The following COL4A1 variants were observed in gnomAD, a reference collection of about 807,000 sequenced individuals.
COL4A1 encodes collagen alpha-1(IV) chain.
In COL4A1, 40 loss-of-function variants were observed where a neutral mutation model predicts 216.6. The ratio of observed to expected loss-of-function variants is 0.18; its 90% CI spans 0.14 to 0.24. The LOEUF is 0.24. COL4A1 is among the 10% of genes least tolerant of loss of function. The pLI is 1.00. For synonymous variants in COL4A1, 839 were observed against 810.7 expected (o/e 1.03, Z -0.59); for missense variants, 1,628 against 2,196.8 (o/e 0.74, Z 5.18).
At chr13:110,188,316 C>T (rs914017589) in intron 24 of COL4A1, among the ~76,000 whole-genome samples, 3 of 152,236 alleles carry the variant, frequency 2.0e-5, no homozygotes, top group African/African-American at 7.2e-5. Flanking sequence ...CTCACATGCA[C>T]ACGCTTCTGT....
intron 1 of COL4A1, among the ~76,000 whole-genome samples, chr13:110,258,154 A>T (rs1337171197): frequency 1.3e-5 from 2 of 152,246 alleles, no homozygotes; most frequent in Non-Finnish European, 2.9e-5. Context: ...AACATCCAGA[A>T]AATTCTAGAA....
chr13:110,283,279 T>C (rs1266229904), intron 1 of COL4A1, among the ~76,000 whole-genome samples: 4 of 152,198 alleles, frequency 2.6e-5, no homozygotes, highest in African/African-American at 2.4e-5. Flanking sequence ...TAAAGAATAA[T>C]GTAGACTAGA....
In COL4A1 at chr13:110,307,106, G is replaced by T. The variant is rs1245477485; in HGVS notation, c.-79C>A. On this transcript the variant is annotated 5_prime_UTR_variant, in exon 1 of 52. Coordinates refer to ENST00000375820, the MANE Select transcript of COL4A1 (RefSeq NM_001845.6). This position sits in a 1 kb window ranked among gnomAD's most constrained non-coding sequence, Gnocchi z 5.0. ...CGGACAGCTAGCTCTCGGAAGGCCGGACTTCCAGCGCTACGCACCGTCCCG... is the reference window on the plus strand; with the variant it reads ...CGGACAGCTAGCTCTCGGAAGGCCGTACTTCCAGCGCTACGCACCGTCCCG... 2.5e-6 allele frequency: 3 copies of T among 1,195,158 alleles called. No homozygotes were observed. The highest frequency in any genetic ancestry group is 3.2e-5 in the African/African-American group (2 of 62,158). 74.0% of individuals were successfully genotyped at this position (1,195,158 alleles called of 1,614,324 possible).
intron 28 of COL4A1, among the ~76,000 whole-genome samples, chr13:110,181,753 G>C (rs1280207853): frequency 2.0e-5 from 3 of 152,098 alleles, no homozygotes; most frequent in Non-Finnish European, 4.4e-5. Context: ...GGGGGGGCAG[G>C]TCACCACCAT....
chr13:110,265,896 G>A (rs1013868185), intron 1 of COL4A1: 2 of 152,116 alleles, frequency 1.3e-5, no homozygotes, highest in South Asian at 2.1e-4. Flanking sequence ...GAGCCCGCGG[G>A]AATTCCTGCG....
At chr13:110,257,268 G>A (rs1057386019) in intron 1 of COL4A1, among the ~76,000 whole-genome samples, 1 of 152,170 alleles carries the variant, frequency 6.6e-6, no homozygotes, top group Non-Finnish European at 1.5e-5. Context: ...ATGTGGAAGA[G>A]ATCCTGCGGC....
At chr13:110,192,336 T>C (rs777454103) in intron 23 of COL4A1, 52 bp from the exon 24 acceptor site, 1 of 1,533,474 alleles carries the variant, frequency 6.5e-7, no homozygotes, top group South Asian at 1.1e-5. Flanking sequence ...ATGAGACACT[T>C]CTCAAAACCT....
chr13:110,259,718 A>G (rs1882738193), intron 1 of COL4A1, among the ~76,000 whole-genome samples: 1 of 152,252 alleles, frequency 6.6e-6, no homozygotes, highest in Admixed American at 6.5e-5. Context: ...CTAATTTAAA[A>G]TAGAAATAGG....
At chr13:110,273,431 T>C (rs1883316768) in intron 1 of COL4A1, among the ~76,000 whole-genome samples, 1 of 152,152 alleles carries the variant, frequency 6.6e-6, no homozygotes, top group Admixed American at 6.5e-5. Flanking sequence ...AATCACCTCA[T>C]TCCACTTGTG....
intron 15 of COL4A1, 58 bp from the exon 16 acceptor site, chr13:110,205,596 C>T (rs1879470600): frequency 2.5e-6 from 4 of 1,584,010 alleles, no homozygotes; most frequent in Admixed American, 1.7e-5. Flanking sequence ...CGCGCGGTGG[C>T]TCATGCCTGT....
rs568165928 is a variant in COL4A1 at position 110,194,937 on chromosome 13, C to A, written c.1381+86G>T. 7.2e-6 allele frequency: 8 copies of A among 1,109,836 alleles called. 1 individual carries two copies. Among genetic ancestry groups the A allele is most frequent in the East Asian group, 2.4e-5 (1 of 40,950 alleles). 68.7% of individuals were successfully genotyped at this position (1,109,836 alleles called of 1,614,324 possible). ...CCTACGCCCTAACTCTGCCCACCCC[C>A]ACTTGGCTCCAAAGCCGGTAAGTAT... is the stretch of plus-strand genomic sequence containing the variant. On this transcript the variant is annotated intron_variant, in intron 22 of 51. Transcript: ENST00000375820.
chr13:110,158,669 A>G (rs2138424445), intron 49 of COL4A1, among the ~76,000 whole-genome samples: 1 of 151,748 alleles, frequency 6.6e-6, no homozygotes, highest in East Asian at 1.9e-4. Context: ...ATTACGGAAT[A>G]GCTTCTTAGT....
chr13:110,186,113 G>A (rs1347296444), intron 26 of COL4A1, among the ~76,000 whole-genome samples: 1 of 152,160 alleles, frequency 6.6e-6, no homozygotes, highest in Non-Finnish European at 1.5e-5. Flanking sequence ...CTATACAAAG[G>A]CTGACTTTAG....
intron 18 of COL4A1, among the ~76,000 whole-genome samples, chr13:110,201,901 G>A (rs1028221224): frequency 2.0e-4 from 31 of 152,300 alleles, no homozygotes; most frequent in African/African-American, 7.5e-4. Context: ...AGAATCGCTC[G>A]AACCCAGGAG....
chr13:110,167,285 T>C (rs1384972624), intron 43 of COL4A1, 55 bp from the exon 44 acceptor site: 1 of 1,315,320 alleles, frequency 7.6e-7, no homozygotes, highest in Non-Finnish European at 1.1e-6. Context: ...GTTAAGTCTC[T>C]CCAGTAACCT....
intron 49 of COL4A1, among the ~76,000 whole-genome samples, chr13:110,157,648 A>C (rs1362091420): frequency 6.6e-6 from 1 of 152,214 alleles, no homozygotes; most frequent in Non-Finnish European, 1.5e-5. Flanking sequence ...AGACATAAAA[A>C]TCTGGAAATG....
At chr13:110,248,523 G>C (rs1022213058) in intron 1 of COL4A1, among the ~76,000 whole-genome samples, 1 of 151,878 alleles carries the variant, frequency 6.6e-6, no homozygotes, top group Non-Finnish European at 1.5e-5. Context: ...CTGGGGTCTC[G>C]CTCTGTGGCG....
intron 1 of COL4A1, among the ~76,000 whole-genome samples, chr13:110,276,221 G>C (rs1286682037): frequency 6.6e-6 from 1 of 152,090 alleles, no homozygotes; most frequent in Non-Finnish European, 1.5e-5. Context: ...ACCTAAACTT[G>C]CTCTAAAAAT....
At chr13:110,191,075 C>A (rs538336737) in intron 24 of COL4A1, 7 of 152,232 alleles carry the variant, frequency 4.6e-5, no homozygotes, top group African/African-American at 1.7e-4. Context: ...TCAGGGCTAC[C>A]CAGTTATTTG....
Sources: allele counts gnomAD v4.1 joint callset (sites outside exome capture counted in the v4.1 genomes callset), GRCh38; gene constraint gnomAD v4.1.1; non-coding constraint Gnocchi (gnomAD v3.1); transcripts MANE v1.5; gene names NCBI Gene and HGNC (gene_info 2026-07-23, HGNC 2026-07-21).